Variants in SEPSECS observed in about 807,000 individuals in gnomAD.
SEPSECS encodes the protein O-phosphoseryl-tRNA(Sec) selenium transferase.
SEPSECS carries 42 observed loss-of-function variants against 52.1 expected under a neutral mutation model. That is an observed-to-expected ratio of 0.81 (90% confidence interval 0.63 to 1.04). The LOEUF (loss-of-function observed/expected upper bound fraction) is 1.04. Among genes scored for constraint, SEPSECS ranks in the 50% least tolerant of loss-of-function variants. The pLI is 0.00. For missense variants in SEPSECS, 590 were observed against 610.6 expected (o/e 0.97, Z 0.36); for synonymous variants, 216 against 211.4 (o/e 1.02, Z -0.19).
At chr4:25,158,025 T>TA (rs1389450217) in intron 2 of SEPSECS, among the ~76,000 whole-genome samples, 4 of 152,154 alleles carry the variant, frequency 2.6e-5, no homozygotes, top group Non-Finnish European at 5.9e-5. Context: ...CTCTTTAAAA[T>TA]AAAAAACCCT....
chr4:25,141,822 A>C (rs1434928603), intron 8 of SEPSECS, among the ~76,000 whole-genome samples: 1 of 151,928 alleles, frequency 6.6e-6, no homozygotes, highest in Non-Finnish European at 1.5e-5. Flanking sequence ...CAACTCCCAC[A>C]GTTCTCCTTG....
intron 6 of SEPSECS, among the ~76,000 whole-genome samples, chr4:25,145,975 G>T (rs1711939159): frequency 6.6e-6 from 1 of 152,122 alleles, no homozygotes; most frequent in Non-Finnish European, 1.5e-5. Flanking sequence ...TCATTCCACT[G>T]CAAATGAACT....
intron 1 of SEPSECS, chr4:25,159,386 T>C: frequency 2.3e-6 from 1 of 426,672 alleles, no homozygotes; most frequent in South Asian, 2.6e-5. Flanking sequence ...TGAAAACCAA[T>C]ACAACACATC....
rs1254035942 is a variant in SEPSECS, at chr4:25,120,752, T to C, written c.*3179A>G. ...GTATTCCAAAAACTTTCTCCGAGTA[T>C]GAGTCAGACTCACCAGAGCTTTATT... On this transcript the variant is annotated 3_prime_UTR_variant, in exon 11 of 11. Coordinates refer to ENST00000382103, the MANE Select transcript of SEPSECS (RefSeq NM_016955.4). 6.6e-6 allele frequency: 1 copy of C among 152,204 alleles called. No homozygotes were observed. Among genetic ancestry groups the C allele is most frequent in the East Asian group, 1.9e-4 (1 of 5,204 alleles). 9.4% of individuals were successfully genotyped at this position (152,204 alleles called of 1,614,324 possible).
chr4:25,148,142 G>T (rs1225270527), intron 6 of SEPSECS, among the ~76,000 whole-genome samples: 2 of 152,116 alleles, frequency 1.3e-5, no homozygotes, highest in Non-Finnish European at 2.9e-5. Context: ...CACGAGGTCA[G>T]GAGATTGAGA....
rs1728238517 is a variant in SEPSECS, at chr4:25,123,906, T to C, written c.*25A>G. 1.3e-6 allele frequency: 2 copies of C among 1,595,122 alleles called. No individual in the cohort carries two copies. ...CTACAGCCTTATCATTTCTTTCAAATGATCAAGAAGAAACCCTTCGCATGT... is the reference window on the plus strand; with the variant it reads ...CTACAGCCTTATCATTTCTTTCAAACGATCAAGAAGAAACCCTTCGCATGT... On this transcript the variant is annotated 3_prime_UTR_variant, in exon 11 of 11. Transcript: ENST00000382103.
chr4:25,132,378 T>C (rs914948236), intron 8 of SEPSECS, among the ~76,000 whole-genome samples: 7 of 152,146 alleles, frequency 4.6e-5, no homozygotes, highest in Non-Finnish European at 1.0e-4. Context: ...TGGAGCAAAA[T>C]AGCTTTGCCT....
chr4:25,146,193 CTATTAA>C, intron 6 of SEPSECS, among the ~76,000 whole-genome samples: 1 of 152,110 alleles, frequency 6.6e-6, no homozygotes, highest in East Asian at 1.9e-4. Context: ...ATCTGTATTC[CTATTAA>C]TATTATAACC....
In SEPSECS at chr4:25,142,684, T is replaced by C. The variant is rs183826556; in HGVS notation, c.1026+2090A>G. On this transcript the variant is annotated intron_variant, in intron 8 of 10. Coordinates refer to ENST00000382103, the MANE Select transcript of SEPSECS (RefSeq NM_016955.4). ...TGCAGGGAGGGAAGCCAAGACAGCT[T>C]GATAAGGGTAAAAATGGGTATGAGG... 1.3e-4 allele frequency among the ~76,000 whole-genome samples: 20 copies of C among 152,294 alleles called. No homozygotes were observed. The East Asian group carries it at 3.9e-3, about 29-fold the overall frequency.
intron 5 of SEPSECS, among the ~76,000 whole-genome samples, 154 bp downstream of exon 5, chr4:25,154,844 G>A (rs1712521839): frequency 6.6e-6 from 1 of 152,154 alleles, no homozygotes; most frequent in South Asian, 2.1e-4. Context: ...TTCCCAAGCT[G>A]TTAATGCTAT....
chr4:25,123,741 A>G lies in SEPSECS; in HGVS notation c.*190T>C. On this transcript the variant is annotated 3_prime_UTR_variant, in exon 11 of 11. Transcript: ENST00000382103. The stretch of plus-strand genomic sequence containing the variant: ...ATATTATAACCTGTTAAGGATCACA[A>G]GGATTGATGCAGTCTAAGAATGGGA... 1.7e-6 allele frequency: 1 copy of G among 595,766 alleles called. No individual in the cohort carries two copies. Among genetic ancestry groups the G allele is most frequent in the Non-Finnish European group, 3.0e-6 (1 of 333,696 alleles). 36.9% of individuals were successfully genotyped at this position (595,766 alleles called of 1,614,324 possible).
chr4:25,159,675 G>A, intron 1 of SEPSECS: 1 of 403,746 alleles, frequency 2.5e-6, no homozygotes, highest in Non-Finnish European at 4.0e-6. Flanking sequence ...GGGAGGCTGA[G>A]GCAGGCGAAT....
intron 6 of SEPSECS, among the ~76,000 whole-genome samples, chr4:25,150,870 G>A (rs1712257327): frequency 6.6e-6 from 1 of 152,036 alleles, no homozygotes; most frequent in Non-Finnish European, 1.5e-5. Context: ...GGCTGGGTGT[G>A]GTGGCACACA....
chr4:25,124,063 T>C lies in SEPSECS; in HGVS notation c.1374A>G (p.Leu458=). 1.2e-6 allele frequency: 2 copies of C among 1,613,880 alleles called. No individual in the cohort carries two copies. Among genetic ancestry groups the C allele is most frequent in the South Asian group, 2.2e-5 (2 of 91,074 alleles). Residue 458 remains leucine, a synonymous_variant, in exon 11 of 11, where the codon TTA becomes TTG. Coordinates refer to ENST00000382103, the MANE Select transcript of SEPSECS (RefSeq NM_016955.4). ...DLFIKRLDRC[L]KAVRKERSKE... ...TACTTCGTTCTTTTCTTACTGCCTT[T>C]AAACACCTGTCAAGTCTCTTTATGA...
intron 6 of SEPSECS, among the ~76,000 whole-genome samples, chr4:25,151,193 A>G (rs1398446556): frequency 6.6e-6 from 1 of 152,210 alleles, no homozygotes; most frequent in African/African-American, 2.4e-5. Context: ...CAATAATAAC[A>G]ATCACTGACA....
In SEPSECS at chr4:25,124,207, G is replaced by A. The variant is rs1359494252; in HGVS notation, c.1230C>T (p.Ser410=). 2 of 1,613,142 alleles carry A rather than the reference G, an allele frequency of 1.2e-6. No individual in the cohort carries two copies. The highest frequency in any genetic ancestry group is 2.7e-5 in the African/African-American group (2 of 74,880). Reference sequence around the variant, plus strand: ...AAGTATAGCCACTCACAGTTTGCATGGACCCAAGAGGCACAACCCTGAAAG... The same window carrying A: ...AAGTATAGCCACTCACAGTTTGCATAGACCCAAGAGGCACAACCCTGAAAG... The part of the protein sequence containing the change: ...VSGARVVPLG[S]MQTVSGYTFR... Residue 410 remains serine, a synonymous_variant, in exon 11 of 11, where the codon TCC becomes TCT. Coordinates refer to ENST00000382103, the MANE Select transcript of SEPSECS (RefSeq NM_016955.4).
At chr4:25,157,339 T>A (rs1257665227) in intron 2 of SEPSECS, among the ~76,000 whole-genome samples, 2 of 152,140 alleles carry the variant, frequency 1.3e-5, no homozygotes, top group African/African-American at 4.8e-5. Context: ...ATTTTCATGC[T>A]AGGCAAACCT....
chr4:25,144,904 G>T lies in SEPSECS; in HGVS notation c.935-39C>A, dbSNP rs542089308. On this transcript the variant is annotated intron_variant, in intron 7 of 10. Coordinates refer to ENST00000382103, the MANE Select transcript of SEPSECS (RefSeq NM_016955.4). ...GATAAGTTACATTAAGACTGTGGTG[G>T]GGGGGTAGCTTTGGAAATTAAGATT... 5.7e-6 allele frequency: 9 copies of T among 1,588,714 alleles called. No homozygotes were observed. The South Asian group carries it at 6.6e-5, about 12-fold the overall frequency.
rs1713006637 is a variant in SEPSECS at position 25,160,429 on chromosome 4, G to A, written c.-60C>T. 1.4e-6 allele frequency: 2 copies of A among 1,392,662 alleles called. No individual in the cohort carries two copies. Among genetic ancestry groups the A allele is most frequent in the South Asian group, 1.3e-5 (1 of 79,264 alleles). 86.3% of individuals were successfully genotyped at this position (1,392,662 alleles called of 1,614,324 possible). A position where few individuals can be genotyped will look rare whatever the true frequency, so the allele number is the denominator to read the frequency against. Reference sequence around the variant, plus strand: ...CACTAGCTCCACACGCCAGACACACGACGGAACCAGAATGCAACTCGCCGC... The same window carrying A: ...CACTAGCTCCACACGCCAGACACACAACGGAACCAGAATGCAACTCGCCGC... On this transcript the variant is annotated 5_prime_UTR_variant, in exon 1 of 11. Transcript: ENST00000382103.
Sources: gnomAD v4.1 joint callset for allele counts (sites outside exome capture counted in the v4.1 genomes callset) on GRCh38, gnomAD v4.1.1 for gene constraint, MANE v1.5 for transcripts, NCBI Gene and HGNC (gene_info 2026-07-23, HGNC 2026-07-21) for gene names.